Variants in TF observed in about 807,000 individuals in gnomAD.
The protein encoded by TF is transferrin.
Under a neutral mutation model 82.4 loss-of-function variants are expected in TF, and 55 were observed. That is an observed-to-expected ratio of 0.67 (90% CI 0.54 to 0.84). The LOEUF (loss-of-function observed/expected upper bound fraction) is 0.84, where lower values mean the gene tolerates loss of function less well. Ranked by LOEUF, TF falls within the 40% of genes least tolerant of loss-of-function variation. TF has a pLI of 0.00. For synonymous variants in TF, 332 were observed against 332.6 expected (o/e 1.00, Z 0.02); for missense variants, 737 against 868.4 (o/e 0.85, Z 1.90).
chr3:133,713,398 G>A, the TF span, among the ~76,000 whole-genome samples: 1 of 152,148 alleles, frequency 6.6e-6, no homozygotes, highest in Non-Finnish European at 1.5e-5. Flanking sequence ...CAGGAATATG[G>A]GAGGCAACAC....
chr3:133,705,540 T>C, the TF span, among the ~76,000 whole-genome samples: 3 of 152,146 alleles, frequency 2.0e-5, no homozygotes, highest in Non-Finnish European at 1.5e-5. Flanking sequence ...TGGGGAGATT[T>C]TGGGATGGAA....
At chr3:133,777,286 G>T in intron 16 of TF, 48 bp downstream of exon 16, 1 of 1,588,068 alleles carries the variant, frequency 6.3e-7, no homozygotes, top group Non-Finnish European at 8.6e-7. Context: ...ACATGGTGGT[G>T]AGTGCTGGGA....
the TF span, among the ~76,000 whole-genome samples, chr3:133,675,591 G>A: frequency 6.6e-6 from 1 of 152,190 alleles, no homozygotes. Flanking sequence ...AAATTTTGGG[G>A]AACTGGCAGA....
At chr3:133,723,637 TTTATTATTATTATTATTATTA>T in the TF span, among the ~76,000 whole-genome samples, 1 of 143,584 alleles carries the variant, frequency 7.0e-6, no homozygotes, top group Non-Finnish European at 1.5e-5. Flanking sequence ...GTTTGGTTCT[TTTATTATTATTATTATTATTA>T]TTATTATTAT....
the TF span, among the ~76,000 whole-genome samples, chr3:133,689,311 G>A: frequency 0.05 from 7,654 of 152,084 alleles, 268 homozygotes; most frequent in Middle Eastern, 0.14. Flanking sequence ...GCAACGGAGC[G>A]AGACTCTGCG....
intron 9 of TF, chr3:133,762,046 T>C (rs1934008903): frequency 1.2e-5 from 2 of 173,458 alleles, no homozygotes; most frequent in African/African-American, 2.4e-5. Context: ...GCTGATTTAT[T>C]TGAAGATGGA....
At chr3:133,686,572 C>T in the TF span, among the ~76,000 whole-genome samples, 1 of 152,154 alleles carries the variant, frequency 6.6e-6, no homozygotes, top group African/African-American at 2.4e-5. Flanking sequence ...AGAAGACATT[C>T]ATGCAGCCAA....
the TF span, among the ~76,000 whole-genome samples, chr3:133,715,865 T>C: frequency 1.6e-4 from 25 of 152,352 alleles, 1 homozygote; most frequent in South Asian, 4.8e-3. Flanking sequence ...TGATCTCTGT[T>C]GCTAAATCGA....
At chr3:133,671,797 A>G in the TF span, among the ~76,000 whole-genome samples, 1 of 137,714 alleles carries the variant, frequency 7.3e-6, no homozygotes, top group Non-Finnish European at 1.5e-5. Flanking sequence ...TGTCAAAAGA[A>G]AAAAAAAAAA....
chr3:133,733,902 G>A, the TF span, among the ~76,000 whole-genome samples: 13 of 151,184 alleles, frequency 8.6e-5, no homozygotes, highest in African/African-American at 2.4e-4. Context: ...TTCTATTCTC[G>A]TTCCTTTGCT....
the TF span, among the ~76,000 whole-genome samples, chr3:133,685,604 T>G: frequency 1.2e-3 from 176 of 152,298 alleles, no homozygotes; most frequent in Non-Finnish European, 1.8e-3. Flanking sequence ...CATTCACAAT[T>G]GCTTCAAAGA....
chr3:133,768,286 T>G, intron 13 of TF, 122 bp downstream of exon 13: 2 of 1,362,932 alleles, frequency 1.5e-6, no homozygotes, highest in South Asian at 2.6e-5. Context: ...TAAGAGAGTA[T>G]ATTTCACAAC....
At chr3:133,777,279 T>G (rs1156595993) in intron 16 of TF, 41 bp downstream of exon 16, 1 of 1,595,166 alleles carries the variant, frequency 6.3e-7, no homozygotes, top group African/African-American at 1.3e-5. Flanking sequence ...CAACCAAACA[T>G]GGTGGTGAGT....
chr3:133,751,379 C>T (rs1043664712), intron 2 of TF, among the ~76,000 whole-genome samples: 20 of 151,776 alleles, frequency 1.3e-4, no homozygotes, highest in East Asian at 3.9e-4. Flanking sequence ...ACTACAGGCG[C>T]GCGCCACCAT....
In TF at chr3:133,794,154, A is replaced by G. The variant is rs1261988628; in HGVS notation, c.*15534A>G. On this transcript the variant is annotated 3_prime_UTR_variant, in exon 17 of 17. Coordinates refer to ENST00000402696, the MANE Select transcript of TF (RefSeq NM_001063.4). The stretch of plus-strand genomic sequence containing the variant: ...GTTAATTAAGCATGAACTCATGGAG[A>G]ACCAGGATGGCCACCTTGTCCTTCC... The G allele has an allele frequency of 6.6e-6, 1 of 152,192 alleles. No homozygotes were observed. The highest frequency in any genetic ancestry group is 2.4e-5 in the African/African-American group (1 of 41,452). 9.4% of individuals were successfully genotyped at this position (152,192 alleles called of 1,614,324 possible). A position where few individuals can be genotyped will look rare whatever the true frequency, so the allele number is the denominator to read the frequency against.
At chr3:133,735,340 A>C in the TF span, among the ~76,000 whole-genome samples, 442 of 40,102 alleles carry the variant, frequency 0.011, 2 homozygotes, top group Non-Finnish European at 0.019. Flanking sequence ...ACTCCATCCC[A>C]AAAAAAAAAA....
chr3:133,702,308 G>T, the TF span, among the ~76,000 whole-genome samples: 1 of 152,108 alleles, frequency 6.6e-6, no homozygotes, highest in Non-Finnish European at 1.5e-5. Context: ...CAGCTCTGGA[G>T]TCCAGTTAGC....
the TF span, among the ~76,000 whole-genome samples, chr3:133,738,116 G>A: frequency 1.3e-5 from 2 of 152,160 alleles, no homozygotes; most frequent in South Asian, 2.1e-4. Context: ...TATCCACCAC[G>A]ATCAAGTTGG....
At chr3:133,694,725 G>A in the TF span, among the ~76,000 whole-genome samples, 10 of 152,198 alleles carry the variant, frequency 6.6e-5, no homozygotes, top group East Asian at 7.7e-4. Context: ...TGCGTACCTC[G>A]CCCCATCTCC....
Sources: gnomAD v4.1 joint callset for allele counts (sites outside exome capture counted in the v4.1 genomes callset) on GRCh38, gnomAD v4.1.1 for gene constraint, MANE v1.5 for transcripts, NCBI Gene and HGNC (gene_info 2026-07-23, HGNC 2026-07-21) for gene names.